The following RTCB variants were observed in gnomAD, a reference collection of about 807,000 sequenced individuals.
The protein encoded by RTCB is RNA 2',3'-cyclic phosphate and 5'-OH ligase, also known as RNA-splicing ligase RTCB.
A neutral mutation model predicts 58.2 loss-of-function variants in RTCB; 32 were observed. The observed-to-expected ratio is 0.55, with a 90% CI of 0.41 to 0.74. RTCB has a LOEUF of 0.74. Among genes scored for constraint, RTCB ranks in the 30% least tolerant of loss-of-function variants. The pLI is 0.00. For synonymous variants in RTCB, 247 were observed against 218.6 expected, an observed-to-expected ratio of 1.13 and a Z score of -1.15; for missense variants, 523 against 639.0, an observed-to-expected ratio of 0.82 and a Z score of 1.96.
At chr22:32,408,706 C>T in intron 2 of RTCB, 49 bp downstream of exon 2, 2 of 1,357,864 alleles carry the variant, frequency 1.5e-6, no homozygotes, top group South Asian at 2.3e-5. Flanking sequence ...TTTCAGGCCA[C>T]AGGGAAGGCA....
intron 11 of RTCB, 109 bp downstream of exon 11, chr22:32,392,131 A>C: frequency 8.2e-7 from 1 of 1,220,070 alleles, no homozygotes; most frequent in Non-Finnish European, 1.1e-6. Context: ...AAAAAAAATA[A>C]CCCAAACAAT....
intron 6 of RTCB, among the ~76,000 whole-genome samples, chr22:32,399,195 G>C (rs1181873961): frequency 2.6e-5 from 4 of 152,068 alleles, no homozygotes; most frequent in African/African-American, 9.7e-5. Context: ...GGAGTGCACT[G>C]GCGTGATCAC....
At chr22:32,395,320 A>G in intron 8 of RTCB, 106 bp from the exon 9 acceptor site, 1 of 902,062 alleles carries the variant, frequency 1.1e-6, no homozygotes, top group Non-Finnish European at 1.7e-6. Flanking sequence ...GAAGGGAGTA[A>G]AAGATTTAAA....
rs1250076018 is a variant in RTCB at position 32,387,696 on chromosome 22, G to A, written c.*296C>T. 3.1e-6 allele frequency: 1 copy of A among 319,516 alleles called. No individual in the cohort carries two copies. The highest frequency in any genetic ancestry group is 6.4e-5 in the East Asian group (1 of 15,722). 19.8% of individuals were successfully genotyped at this position (319,516 alleles called of 1,614,324 possible). On this transcript the variant is annotated 3_prime_UTR_variant, in exon 12 of 12. Transcript: ENST00000216038. The stretch of plus-strand genomic sequence containing the variant: ...GCTAAAGATCAGTATGACTGCGTAA[G>A]GCAGTTTGACATCTACCCATCCCTA...
At chr22:32,394,111 C>CT (rs2145890242) in intron 9 of RTCB, 109 bp from the exon 10 acceptor site, 4 of 640,418 alleles carry the variant, frequency 6.2e-6, no homozygotes, top group East Asian at 3.0e-5. Context: ...GAAACCCAGA[C>CT]TTCTTTTTTT....
intron 11 of RTCB, 105 bp downstream of exon 11, chr22:32,392,135 A>T: frequency 7.8e-7 from 1 of 1,274,208 alleles, no homozygotes; most frequent in Non-Finnish European, 1.1e-6. Context: ...AAAATAACCC[A>T]AACAATTTCT....
At chr22:32,404,424 T>C (rs1343535930) in intron 4 of RTCB, among the ~76,000 whole-genome samples, 1 of 152,212 alleles carries the variant, frequency 6.6e-6, no homozygotes, top group Non-Finnish European at 1.5e-5. Context: ...TCCAAATATA[T>C]GGATTTTCTT....
chr22:32,392,575 G>A (rs905512928), intron 10 of RTCB: 31 of 696,588 alleles, frequency 4.5e-5, no homozygotes, highest in Admixed American at 1.6e-4. Flanking sequence ...GCAGCGCAGC[G>A]CAGTGTATTC....
chr22:32,411,934 C>T lies in RTCB; in HGVS notation c.93+130G>A, dbSNP rs952855538. 1.3e-4 allele frequency: 85 copies of T among 657,836 alleles called. 1 individual carries two copies. The highest frequency in any genetic ancestry group is 9.4e-5 in the African/African-American group (5 of 53,162). 40.7% of individuals were successfully genotyped at this position (657,836 alleles called of 1,614,324 possible). ...CCCCAGAACCGTGAGGGGAGAAGGA[C>T]GGGATGAGGGAAACTCTGCAAGGGG... is the stretch of plus-strand genomic sequence containing the variant. On this transcript the variant is annotated intron_variant, in intron 1 of 11. Transcript: ENST00000216038.
intron 1 of RTCB, among the ~76,000 whole-genome samples, chr22:32,410,106 G>A (rs1030724563): frequency 2.0e-5 from 3 of 152,118 alleles, no homozygotes; most frequent in Non-Finnish European, 4.4e-5. Flanking sequence ...GTGAGCCACC[G>A]CACCCAGCCA....
intron 11 of RTCB, among the ~76,000 whole-genome samples, chr22:32,388,452 T>C (rs1351490057): frequency 6.6e-6 from 1 of 152,234 alleles, no homozygotes; most frequent in African/African-American, 2.4e-5. Flanking sequence ...TATCTCTTGA[T>C]GGTAGAATTA....
At chr22:32,394,110 A>ATTT in intron 9 of RTCB, 108 bp from the exon 10 acceptor site, 1 of 655,678 alleles carries the variant, frequency 1.5e-6, no homozygotes, top group Admixed American at 2.9e-5. Context: ...AGAAACCCAG[A>ATTT]CTTCTTTTTT....
intron 9 of RTCB, among the ~76,000 whole-genome samples, chr22:32,394,602 G>A (rs1933212824): frequency 1.3e-5 from 2 of 152,118 alleles, no homozygotes; most frequent in South Asian, 4.1e-4. Context: ...CCACCATCCT[G>A]AGCAAGGTGC....
At chr22:32,410,002 A>G (rs1047109472) in intron 1 of RTCB, among the ~76,000 whole-genome samples, 2 of 152,040 alleles carry the variant, frequency 1.3e-5, no homozygotes, top group African/African-American at 4.8e-5. Context: ...TATTTTTAGT[A>G]GAGACGAAGT....
intron 3 of RTCB, chr22:32,407,195 T>C (rs1933440076): frequency 6.1e-6 from 1 of 163,318 alleles, no homozygotes; most frequent in African/African-American, 2.4e-5. Context: ...ATAAATACTG[T>C]AGACTTCCTA....
chr22:32,399,703 G>A lies in RTCB; in HGVS notation c.554C>T (p.Ala185Val). ...GCAGTGCTCCTTGTCTTCAGCCCAG[G>A]CATACCCTTCTCTTAAGGACCAGTC... ...GVDWSLREGYAWAEDKEHCEE... is the reference protein window; with the variant it reads ...GVDWSLREGYVWAEDKEHCEE... The change falls in exon 6 of 12, where the codon GCC becomes GTC. Residue 185 changes from alanine to valine, a missense_variant. By Grantham distance (64) the Ala-to-Val change is moderately conservative. This residue lies in a region of RTCB where 141 missense variants were observed against 216.7 expected (regional missense o/e 0.65). Transcript: ENST00000216038. 6.2e-7 allele frequency: 1 copy of A among 1,613,936 alleles called. No homozygotes were observed. The highest frequency in any genetic ancestry group is 8.5e-7 in the Non-Finnish European group (1 of 1,179,974).
chr22:32,408,903 C>T, intron 1 of RTCB, 70 bp from the exon 2 acceptor site: 1 of 1,031,318 alleles, frequency 9.7e-7, no homozygotes, highest in East Asian at 2.4e-5. Context: ...GGACAGAATG[C>T]ACTGTATGCA....
intron 5 of RTCB, among the ~76,000 whole-genome samples, chr22:32,400,622 A>C (rs1012294934): frequency 2.0e-5 from 3 of 152,212 alleles, no homozygotes; most frequent in Non-Finnish European, 4.4e-5. Context: ...ATGCTTTTCA[A>C]ATTGGGGCTG....
Position 32,395,122 on chromosome 22 carries a change from A to G in RTCB, c.1083T>C (p.His361=). 7 of 1,614,216 alleles carry G rather than the reference A, an allele frequency of 4.3e-6. No homozygotes were observed. The highest frequency in any genetic ancestry group is 5.9e-6 in the Non-Finnish European group (7 of 1,180,036). Residue 361 remains histidine, a synonymous_variant, in exon 9 of 12, where the codon CAT becomes CAC. Transcript: ENST00000216038. ...GTGTCCGTTCCTTTCCGTCCACCAC[A>G]TGCTGCTCCACTTTGGCAATGTTGT... ...VSHNIAKVEQ[H]VVDGKERTLL... is the part of the protein sequence containing the mutation.
Sources: allele counts gnomAD v4.1 joint callset (sites outside exome capture counted in the v4.1 genomes callset), GRCh38; gene constraint gnomAD v4.1.1; regional missense constraint gnomAD v4.1.1; transcripts MANE v1.5; gene names NCBI Gene and HGNC (gene_info 2026-07-23, HGNC 2026-07-21).